The following HECTD4 variants were observed in gnomAD, a reference collection of about 807,000 sequenced individuals.
HECTD4 encodes the protein HECT domain E3 ubiquitin protein ligase 4.
A neutral mutation model predicts 471.5 loss-of-function variants in HECTD4; 114 were observed. The ratio of observed to expected loss-of-function variants is 0.24; its 90% confidence interval spans 0.21 to 0.28. The LOEUF (loss-of-function observed/expected upper bound fraction) is 0.28. HECTD4 is among the 10% of genes least tolerant of loss of function. The pLI is 1.00. For missense variants in HECTD4, 3,866 were observed against 5,651.5 expected (o/e 0.68, Z 10.13); for synonymous variants, 2,012 against 2,256.0 (o/e 0.89, Z 3.07).
chr12:112,167,876 G>T lies in HECTD4; in HGVS notation c.12250C>A (p.Leu4084Met). 1 of 1,613,586 alleles carries T rather than the reference G, an allele frequency of 6.2e-7. No homozygotes were observed. Among genetic ancestry groups the T allele is most frequent in the East Asian group, 2.2e-5 (1 of 44,876 alleles). Reference protein sequence around the residue: ...RHFLWQVCKELQSSSLSLLLL... With the variant: ...RHFLWQVCKEMQSSSLSLLLL... ...AGCAGCGACAGCGAGGAACTCTGCA[G>T]CTCCTTACACACCTGCCACAGGAAG... Residue 4084 changes from leucine to methionine, a missense_variant, in exon 71 of 76, where the codon CTG becomes ATG. Around this residue, in one of 16 missense-constraint regions of HECTD4, gnomAD observed 715 missense variants for 1,087.6 expected, o/e 0.66. Transcript: ENST00000682272.
chr12:112,252,990 T>A, intron 22 of HECTD4, among the ~76,000 whole-genome samples: 1 of 151,938 alleles, frequency 6.6e-6, no homozygotes, highest in Non-Finnish European at 1.5e-5. Flanking sequence ...TTTTATTTTT[T>A]TTTTGTAGAG....
intron 14 of HECTD4, among the ~76,000 whole-genome samples, chr12:112,266,567 A>G (rs2034275920): frequency 1.3e-5 from 2 of 152,188 alleles, no homozygotes; most frequent in African/African-American, 2.4e-5. Context: ...TGCATCCTCA[A>G]CCTCTTGGGC....
At position 112,265,930 on chromosome 12, in the gene HECTD4, C is replaced by G. The variant is rs1348599802; in HGVS notation, c.2446G>C (p.Ala816Pro). The G allele has an allele frequency of 6.2e-7, 1 of 1,613,854 alleles. No homozygotes were observed. Among genetic ancestry groups the G allele is most frequent in the Non-Finnish European group, 8.5e-7 (1 of 1,179,884 alleles). Reference protein sequence around the residue: ...QLRDVILTNLAEQLQNNRFGS... With the variant: ...QLRDVILTNLPEQLQNNRFGS... ...AATCGGTTGTTTTGGAGCTGTTCAG[C>G]CAGGTTGGTTAGGATCACATCCCGT... The change falls in exon 15 of 76, where the codon GCT becomes CCT. Residue 816 changes from alanine (A) to proline (P), a missense_variant. By Grantham distance (27) the Ala-to-Pro change is conservative. This residue lies in a region of HECTD4 where 525 missense variants were observed against 672.6 expected (regional missense o/e 0.78). Coordinates refer to ENST00000682272, the MANE Select transcript of HECTD4 (RefSeq NM_001388303.1).
At chr12:112,282,078 ACTC>A (rs1271689918) in intron 8 of HECTD4, among the ~76,000 whole-genome samples, 1 of 151,950 alleles carries the variant, frequency 6.6e-6, no homozygotes, top group Non-Finnish European at 1.5e-5. Flanking sequence ...CTGGTTAAGA[ACTC>A]CTACTTTAAA....
intron 45 of HECTD4, 90 bp from the exon 46 acceptor site, chr12:112,217,285 A>T: frequency 1.0e-6 from 1 of 1,000,902 alleles, no homozygotes; most frequent in Non-Finnish European, 1.4e-6. Flanking sequence ...ATCTGATGGT[A>T]TTAAAATATA....
At chr12:112,251,992 G>A (rs939574638) in intron 23 of HECTD4, among the ~76,000 whole-genome samples, 3 of 152,192 alleles carry the variant, frequency 2.0e-5, no homozygotes, top group East Asian at 3.9e-4. Flanking sequence ...GGCTGATCTC[G>A]AACTCCTGAC....
At chr12:112,206,445 T>C (rs892625537) in intron 52 of HECTD4, among the ~76,000 whole-genome samples, 1 of 151,826 alleles carries the variant, frequency 6.6e-6, no homozygotes, top group Admixed American at 6.6e-5. Context: ...CAATGAGCTA[T>C]GATTGCACCA....
intron 1 of HECTD4, among the ~76,000 whole-genome samples, chr12:112,321,009 A>C (rs2035575132): frequency 6.6e-6 from 1 of 151,988 alleles, no homozygotes; most frequent in Admixed American, 6.6e-5. Flanking sequence ...ATGCCCGGCT[A>C]ATTTTTGTAT....
intron 59 of HECTD4, among the ~76,000 whole-genome samples, chr12:112,191,174 C>T (rs932082563): frequency 1.3e-5 from 2 of 152,138 alleles, no homozygotes; most frequent in Non-Finnish European, 2.9e-5. Flanking sequence ...CCAGGGAGTC[C>T]GCTTACTGGG....
At chr12:112,271,343 G>A (rs575511549) in intron 11 of HECTD4, among the ~76,000 whole-genome samples, 3 of 152,282 alleles carry the variant, frequency 2.0e-5, no homozygotes, top group East Asian at 3.9e-4. Flanking sequence ...CTTCCCTTCA[G>A]TGTGGTCGAG....
intron 4 of HECTD4, among the ~76,000 whole-genome samples, chr12:112,311,631 AAAAAG>A (rs1566107716): frequency 6.6e-6 from 1 of 151,244 alleles, no homozygotes; most frequent in African/African-American, 2.4e-5. Flanking sequence ...AAAAAAAAAA[AAAAAG>A]AAAAGAAAAA....
intron 55 of HECTD4, among the ~76,000 whole-genome samples, chr12:112,198,843 C>T (rs913995977): frequency 1.3e-5 from 2 of 152,080 alleles, no homozygotes; most frequent in African/African-American, 4.8e-5. Flanking sequence ...CAAAGAATGT[C>T]GGCAACATCA....
chr12:112,248,583 ATTTTTT>A (rs956707559), intron 25 of HECTD4, 71 bp from the exon 26 acceptor site: 1 of 1,038,434 alleles, frequency 9.6e-7, no homozygotes, highest in Non-Finnish European at 1.3e-6. Context: ...TTTTATTTTT[ATTTTTT>A]ATTTCTTTAG....
chr12:112,293,958 G>A (rs774486728), intron 7 of HECTD4, among the ~76,000 whole-genome samples: 1 of 152,188 alleles, frequency 6.6e-6, no homozygotes, highest in Non-Finnish European at 1.5e-5. Context: ...GGAGTGCAGT[G>A]GCACAATCAT....
At chr12:112,301,955 C>T in intron 7 of HECTD4, 1 of 865,398 alleles carries the variant, frequency 1.2e-6, no homozygotes, top group South Asian at 1.3e-5. Context: ...CAAGATATTG[C>T]CTCCCCAGTG....
chr12:112,301,585 T>C (rs749437504), intron 7 of HECTD4, among the ~76,000 whole-genome samples: 1 of 152,212 alleles, frequency 6.6e-6, no homozygotes, highest in Non-Finnish European at 1.5e-5. Context: ...ACCACATCTT[T>C]TATCTTTTCT....
At chr12:112,250,879 A>G in intron 24 of HECTD4, 92 bp downstream of exon 24, 3 of 1,296,178 alleles carry the variant, frequency 2.3e-6, no homozygotes, top group Non-Finnish European at 3.1e-6. Flanking sequence ...CAGTAGGCAC[A>G]ATCACCTGGG....
chr12:112,194,738 AG>A lies in HECTD4; in HGVS notation c.8749+146del. 4.3e-6 allele frequency: 3 copies of A among 692,672 alleles called. No individual in the cohort carries two copies. The highest frequency in any genetic ancestry group is 7.2e-6 in the Non-Finnish European group (3 of 416,408). 42.9% of individuals were successfully genotyped at this position (692,672 alleles called of 1,614,324 possible). On this transcript the variant is annotated intron_variant, in intron 56 of 75. Coordinates refer to ENST00000682272, the MANE Select transcript of HECTD4 (RefSeq NM_001388303.1). The surrounding 1 kb of genome is among the most constrained non-coding windows in gnomAD (Gnocchi z 4.6). ...CGAAGAGTGAGAAAGCCCTGCCAGG[AG>A]AATCCCAGTTCCTGCGTGCAATTTC...
chr12:112,311,849 G>A (rs2035378732), intron 4 of HECTD4, among the ~76,000 whole-genome samples: 1 of 152,158 alleles, frequency 6.6e-6, no homozygotes, highest in Non-Finnish European at 1.5e-5. Context: ...AGTTGGAGCC[G>A]ATAATGTCTG....
Sources: allele counts gnomAD v4.1 joint callset (sites outside exome capture counted in the v4.1 genomes callset), GRCh38; gene constraint gnomAD v4.1.1; regional missense constraint gnomAD v4.1.1; non-coding constraint Gnocchi (gnomAD v3.1); transcripts MANE v1.5; gene names NCBI Gene and HGNC (gene_info 2026-07-23, HGNC 2026-07-21).